OSBPL8: variants seen among roughly 807,000 people sequenced by gnomAD.
OSBPL8 encodes oxysterol-binding protein-related protein 8.
OSBPL8 carries 59 observed loss-of-function variants against 125.5 expected under a neutral mutation model. The ratio of observed to expected loss-of-function variants is 0.47; its 90% CI spans 0.38 to 0.58. The LOEUF is 0.58. Among genes scored for constraint, OSBPL8 ranks in the 20% least tolerant of loss-of-function variants. The pLI is 0.00. For synonymous variants in OSBPL8, 330 were observed against 338.9 expected, an observed-to-expected ratio of 0.97 and a Z score of 0.29; for missense variants, 758 against 1,047.8, an observed-to-expected ratio of 0.72 and a Z score of 3.82.
At position 76,510,201 on chromosome 12, in the gene OSBPL8, A is replaced by T. The variant is rs183206060; in HGVS notation, c.-67-22583T>A. Among the ~76,000 whole-genome samples the T allele has an allele frequency of 1.5e-3, 229 of 152,344 alleles. 2 individuals are homozygous for T. Among genetic ancestry groups the T allele is most frequent in the African/African-American group, 5.3e-3 (221 of 41,580 alleles). On this transcript the variant is annotated intron_variant, in intron 1 of 23. Coordinates refer to ENST00000261183, the MANE Select transcript of OSBPL8 (RefSeq NM_020841.5). The stretch of plus-strand genomic sequence containing the variant: ...TCCAGATCTAGCAAATCTTATGAAA[A>T]ACTTAAAACAGAGGTATTGTTTTAG...
chr12:76,526,475 A>AT (rs553591983), intron 1 of OSBPL8, among the ~76,000 whole-genome samples: 2,794 of 150,748 alleles, frequency 0.019, 67 homozygotes, highest in African/African-American at 0.06. Context: ...CAGTTACTTA[A>AT]TTTTTTTTTA....
At chr12:76,547,629 A>C (rs1179099829) in intron 1 of OSBPL8, among the ~76,000 whole-genome samples, 1 of 152,188 alleles carries the variant, frequency 6.6e-6, no homozygotes, top group Non-Finnish European at 1.5e-5. Flanking sequence ...ATCACACATG[A>C]GGCAGAGAAG....
intron 21 of OSBPL8, among the ~76,000 whole-genome samples, chr12:76,364,261 C>T (rs1952320758): frequency 6.6e-6 from 1 of 152,170 alleles, no homozygotes; most frequent in Non-Finnish European, 1.5e-5. Flanking sequence ...AAATGCCCAT[C>T]AGTGATAGAT....
intron 4 of OSBPL8, among the ~76,000 whole-genome samples, chr12:76,431,467 T>TA (rs1870816178): frequency 6.6e-6 from 1 of 152,006 alleles, no homozygotes; most frequent in Non-Finnish European, 1.5e-5. Flanking sequence ...TCAAAAGAAA[T>TA]AGAGTCACTG....
chr12:76,504,981 C>T (rs938480743), intron 1 of OSBPL8, among the ~76,000 whole-genome samples: 1 of 152,122 alleles, frequency 6.6e-6, no homozygotes, highest in African/African-American at 2.4e-5. Flanking sequence ...TTTTCCCACA[C>T]CCCATGACTG....
rs767813280 is a variant in OSBPL8 at position 76,402,678 on chromosome 12, T to C, written c.366+11A>G. On this transcript the variant is annotated intron_variant, in intron 6 of 23. Transcript: ENST00000261183. ...ATGTAAATTACCTTTCAGAAACAAC[T>C]GGAAACTAACCTTAAGAGATTCTTT... 1.9e-6 allele frequency: 3 copies of C among 1,574,946 alleles called. No individual in the cohort carries two copies. The highest frequency in any genetic ancestry group is 1.1e-5 in the South Asian group (1 of 89,870).
chr12:76,386,511 C>T (rs975034883), intron 13 of OSBPL8, 68 bp downstream of exon 13: 2 of 1,424,604 alleles, frequency 1.4e-6, no homozygotes, highest in East Asian at 2.3e-5. Context: ...ACACAATCTA[C>T]AGATTACATA....
At chr12:76,479,985 G>C (rs190972236) in intron 2 of OSBPL8, among the ~76,000 whole-genome samples, 93 of 151,914 alleles carry the variant, frequency 6.1e-4, no homozygotes, top group Admixed American at 1.4e-3. Context: ...TAACCAACAC[G>C]GAGAAACTCT....
intron 21 of OSBPL8, among the ~76,000 whole-genome samples, chr12:76,365,268 T>C (rs939770620): frequency 6.6e-6 from 1 of 152,206 alleles, no homozygotes; most frequent in Non-Finnish European, 1.5e-5. Context: ...TAACCTTTTC[T>C]ACCTGAGAAC....
intron 5 of OSBPL8, 51 bp downstream of exon 5, chr12:76,410,513 C>T (rs1954470089): frequency 7.3e-7 from 1 of 1,370,830 alleles, no homozygotes; most frequent in Non-Finnish European, 1.0e-6. Context: ...GTTCCCTCAT[C>T]TCAAATATTA....
intron 1 of OSBPL8, among the ~76,000 whole-genome samples, chr12:76,547,203 CAAGATT>C (rs1950805256): frequency 6.6e-6 from 1 of 152,022 alleles, no homozygotes; most frequent in African/African-American, 2.4e-5. Flanking sequence ...AACGATTAAA[CAAGATT>C]AAGAGCAGAA....
intron 19 of OSBPL8, 33 bp from the exon 20 acceptor site, chr12:76,369,855 A>C: frequency 6.4e-7 from 1 of 1,558,678 alleles, no homozygotes; most frequent in Non-Finnish European, 8.7e-7. Context: ...AAAAGTATTA[A>C]AAATGTAACA....
intron 1 of OSBPL8, among the ~76,000 whole-genome samples, chr12:76,517,420 T>G (rs1463407417): frequency 6.6e-6 from 1 of 152,210 alleles, no homozygotes; most frequent in Admixed American, 6.5e-5. Flanking sequence ...TCACCATCTA[T>G]GACTAATATT....
intron 4 of OSBPL8, among the ~76,000 whole-genome samples, chr12:76,443,659 C>T (rs187017770): frequency 1.4e-4 from 21 of 152,212 alleles, no homozygotes; most frequent in African/African-American, 5.1e-4. Flanking sequence ...TGGGCATGCA[C>T]CATCATGCCT....
chr12:76,437,183 GTTTATC>G (rs992127907), intron 4 of OSBPL8, among the ~76,000 whole-genome samples: 8 of 152,266 alleles, frequency 5.3e-5, no homozygotes, highest in Non-Finnish European at 7.4e-5. Flanking sequence ...AAGGATTAGA[GTTTATC>G]TTTAACTTTG....
At chr12:76,403,009 G>A (rs2136363583) in intron 5 of OSBPL8, among the ~76,000 whole-genome samples, 1 of 152,268 alleles carries the variant, frequency 6.6e-6, no homozygotes, top group Non-Finnish European at 1.5e-5. Context: ...AAGATCATCT[G>A]TAGATTTTAC....
chr12:76,492,064 A>T (rs1878774820), intron 1 of OSBPL8, among the ~76,000 whole-genome samples: 1 of 152,062 alleles, frequency 6.6e-6, no homozygotes, highest in Non-Finnish European at 1.5e-5. Flanking sequence ...CAATAAAAAT[A>T]ATAAATTAAT....
chr12:76,441,833 T>C (rs1050256137), intron 4 of OSBPL8, among the ~76,000 whole-genome samples: 5 of 151,818 alleles, frequency 3.3e-5, no homozygotes, highest in Non-Finnish European at 5.9e-5. Context: ...AATTAATAGG[T>C]ACAAAAAAAT....
chr12:76,476,229 A>C (rs1239499442), intron 2 of OSBPL8, among the ~76,000 whole-genome samples: 1 of 152,166 alleles, frequency 6.6e-6, no homozygotes, highest in Admixed American at 6.5e-5. Context: ...TCTATGTAGG[A>C]CAGTATCAGA....
Sources: allele counts gnomAD v4.1 joint callset (sites outside exome capture counted in the v4.1 genomes callset), GRCh38; gene constraint gnomAD v4.1.1; transcripts MANE v1.5; gene names NCBI Gene and HGNC (gene_info 2026-07-23, HGNC 2026-07-21).